The following ANKRD31 variants were observed in gnomAD, a reference collection of about 807,000 sequenced individuals.
The protein encoded by ANKRD31 is ankyrin repeat domain-containing protein 31.
ANKRD31 carries 147 observed loss-of-function variants against 186.0 expected under a neutral mutation model. That is an observed-to-expected ratio of 0.79 (90% CI 0.69 to 0.91). ANKRD31 has a LOEUF of 0.91. ANKRD31 is among the 40% of genes least tolerant of loss of function. The pLI, the probability that ANKRD31 is intolerant of heterozygous loss-of-function variation, is 0.00. For synonymous variants in ANKRD31, 673 were observed against 736.4 expected, an observed-to-expected ratio of 0.91 and a Z score of 1.39; for missense variants, 1,986 against 2,148.8, an observed-to-expected ratio of 0.92 and a Z score of 1.50.
intron 22 of ANKRD31, among the ~76,000 whole-genome samples, chr5:75,096,845 T>A (rs1022184700): frequency 1.4e-5 from 2 of 146,890 alleles, no homozygotes; most frequent in African/African-American, 5.1e-5. Context: ...CCAGTGTGAT[T>A]TTCCCCACTC....
At chr5:75,229,797 G>A (rs899137134) in intron 2 of ANKRD31, among the ~76,000 whole-genome samples, 3 of 149,222 alleles carry the variant, frequency 2.0e-5, no homozygotes, top group Non-Finnish European at 3.0e-5. Context: ...CTGGGGAGGC[G>A]GAGGTTGCAG....
intron 21 of ANKRD31, among the ~76,000 whole-genome samples, chr5:75,106,327 A>G (rs1293196188): frequency 3.3e-5 from 5 of 152,104 alleles, no homozygotes; most frequent in Admixed American, 6.6e-5. Context: ...CTGCTGTTTT[A>G]AGGAAAAGCA....
chr5:75,169,007 T>C lies in ANKRD31; in HGVS notation c.1679A>G (p.His560Arg), dbSNP rs1287030902. 6.5e-7 allele frequency: 1 copy of C among 1,536,396 alleles called. No individual in the cohort carries two copies. The highest frequency in any genetic ancestry group is 8.7e-7 in the Non-Finnish European group (1 of 1,146,398). The change falls in exon 11 of 26, where the codon CAT becomes CGT. Residue 560 changes from histidine (H) to arginine (R), a missense_variant. His to Arg is a conservative substitution (Grantham distance 29). Transcript: ENST00000506364. ...IKGLYQITPL[H>R]DAVMNGHYKV... Reference sequence around the variant, plus strand: ...ATAATGTCCATTCATCACTGCATCATGTAGGGGAGTAATCTGGTATAATCC... The same window carrying C: ...ATAATGTCCATTCATCACTGCATCACGTAGGGGAGTAATCTGGTATAATCC...
At chr5:75,159,663 C>A (rs1752440850) in intron 11 of ANKRD31, among the ~76,000 whole-genome samples, 1 of 29,998 alleles carries the variant, frequency 3.3e-5, no homozygotes, top group African/African-American at 1.5e-4. Context: ...TAAAGACATT[C>A]ACAGATAAAA....
chr5:75,196,250 A>C, intron 6 of ANKRD31, 50 bp from the exon 7 acceptor site: 1 of 1,282,450 alleles, frequency 7.8e-7, no homozygotes, highest in Non-Finnish European at 1.0e-6. Context: ...ACAATAAAGT[A>C]TTTAAAATGA....
intron 17 of ANKRD31, among the ~76,000 whole-genome samples, chr5:75,119,080 A>G (rs541025453): frequency 6.6e-6 from 1 of 152,304 alleles, no homozygotes; most frequent in East Asian, 1.9e-4. Context: ...TATGTGTTCT[A>G]AATAGCAAAC....
chr5:75,173,910 T>C (rs1170438831), intron 10 of ANKRD31, among the ~76,000 whole-genome samples: 1 of 152,060 alleles, frequency 6.6e-6, no homozygotes, highest in Non-Finnish European at 1.5e-5. Flanking sequence ...AAAAATAGCC[T>C]GCATAGCCAA....
intron 10 of ANKRD31, among the ~76,000 whole-genome samples, chr5:75,173,038 C>T (rs1319984496): frequency 6.6e-6 from 1 of 152,152 alleles, no homozygotes; most frequent in Non-Finnish European, 1.5e-5. Context: ...GCTTATCCAC[C>T]ATGATCAAGT....
intron 22 of ANKRD31, among the ~76,000 whole-genome samples, chr5:75,102,510 G>A (rs1278179047): frequency 6.6e-6 from 1 of 152,232 alleles, no homozygotes; most frequent in African/African-American, 2.4e-5. Flanking sequence ...TGTTTGTTCA[G>A]CTATGCCCTG....
At chr5:75,176,752 C>T (rs1319168424) in intron 10 of ANKRD31, among the ~76,000 whole-genome samples, 2 of 152,084 alleles carry the variant, frequency 1.3e-5, no homozygotes, top group Non-Finnish European at 2.9e-5. Context: ...TCATCAAAGA[C>T]AAAAGGTAGA....
At chr5:75,233,528 C>T (rs1290003398) in intron 1 of ANKRD31, among the ~76,000 whole-genome samples, 1 of 151,916 alleles carries the variant, frequency 6.6e-6, no homozygotes, top group Non-Finnish European at 1.5e-5. Context: ...AGAATTTCTG[C>T]CCCTACTAAA....
chr5:75,180,971 G>A (rs1053284608), intron 10 of ANKRD31, among the ~76,000 whole-genome samples: 22 of 151,220 alleles, frequency 1.5e-4, no homozygotes, highest in Admixed American at 4.6e-4. Context: ...GAAAATTTTT[G>A]CAACCTACTC....
intron 17 of ANKRD31, among the ~76,000 whole-genome samples, chr5:75,120,593 C>A (rs779094209): frequency 4.6e-5 from 7 of 151,866 alleles, no homozygotes; most frequent in Non-Finnish European, 1.0e-4. Flanking sequence ...GCAAATGGGC[C>A]AGTAGAAATT....
intron 22 of ANKRD31, among the ~76,000 whole-genome samples, chr5:75,103,433 C>G (rs1747075018): frequency 6.6e-6 from 1 of 152,192 alleles, no homozygotes. Context: ...TTGTGAAAGA[C>G]AGTGTAGCGA....
chr5:75,122,778 C>T (rs1345083754), intron 17 of ANKRD31, among the ~76,000 whole-genome samples: 1 of 152,016 alleles, frequency 6.6e-6, no homozygotes, highest in East Asian at 1.9e-4. Context: ...GTAGAAAAAA[C>T]ATACCTCAAA....
chr5:75,075,894 T>G (rs946468104), intron 25 of ANKRD31, among the ~76,000 whole-genome samples: 1 of 152,174 alleles, frequency 6.6e-6, no homozygotes, highest in Non-Finnish European at 1.5e-5. Context: ...TACTGTCCCA[T>G]GGAAAGATAT....
intron 17 of ANKRD31, among the ~76,000 whole-genome samples, chr5:75,134,830 G>A (rs1750422218): frequency 6.6e-6 from 1 of 152,044 alleles, no homozygotes; most frequent in African/African-American, 2.4e-5. Flanking sequence ...TGATCAAGTG[G>A]GCTTCATCCC....
intron 22 of ANKRD31, among the ~76,000 whole-genome samples, chr5:75,091,786 T>C (rs1745942264): frequency 1.3e-5 from 2 of 152,102 alleles, no homozygotes; most frequent in African/African-American, 4.8e-5. Flanking sequence ...TGCCCCCAGC[T>C]ACTGTTGCTA....
intron 25 of ANKRD31, among the ~76,000 whole-genome samples, chr5:75,069,307 T>C (rs1396669852): frequency 6.6e-6 from 1 of 152,142 alleles, no homozygotes. Context: ...ATTGGCTATA[T>C]GAGCTGTACA....
Sources: gnomAD v4.1 joint callset for allele counts (sites outside exome capture counted in the v4.1 genomes callset) on GRCh38, gnomAD v4.1.1 for gene constraint, MANE v1.5 for transcripts, NCBI Gene and HGNC (gene_info 2026-07-23, HGNC 2026-07-21) for gene names.